Variants in MYT1L observed in about 807,000 individuals in gnomAD.
MYT1L encodes the protein myelin transcription factor 1 like.
MYT1L carries 12 observed loss-of-function variants against 126.7 expected under a neutral mutation model. The observed-to-expected ratio is 0.09, with a 90% CI of 0.06 to 0.15. The LOEUF (loss-of-function observed/expected upper bound fraction) is 0.15, where lower values mean the gene tolerates loss of function less well. Among genes scored for constraint, MYT1L ranks in the 10% least tolerant of loss-of-function variants. The pLI is 1.00. For synonymous variants in MYT1L, 541 were observed against 604.2 expected, an observed-to-expected ratio of 0.90 and a Z score of 1.53; for missense variants, 979 against 1,585.2, an observed-to-expected ratio of 0.62 and a Z score of 6.49.
At chr2:1,954,163 T>C (rs899448946) in intron 8 of MYT1L, among the ~76,000 whole-genome samples, 11 of 152,148 alleles carry the variant, frequency 7.2e-5, no homozygotes, top group Admixed American at 6.5e-4. Context: ...CCTCAGGTTG[T>C]ACAGAGCTAG....
rs774981422 is a variant in MYT1L at position 1,912,721 on chromosome 2, C to T, written c.1619-611G>A. 2.7e-5 allele frequency among the ~76,000 whole-genome samples: 4 copies of T among 150,610 alleles called. No homozygotes were observed. Among genetic ancestry groups the T allele is most frequent in the Admixed American group, 6.6e-5 (1 of 15,156 alleles). ...AAATAGGATGAGCTAGAAGAGTAAG[C>T]GTCTGCGTTTTTACCCTGTGAAATT... On this transcript the variant is annotated intron_variant, in intron 11 of 24. Coordinates refer to ENST00000647738, the MANE Select transcript of MYT1L (RefSeq NM_001303052.2). The surrounding 1 kb of genome is among the most constrained non-coding windows in gnomAD (Gnocchi z 4.3).
chr2:1,862,831 T>C (rs2044875535), intron 18 of MYT1L, among the ~76,000 whole-genome samples: 1 of 152,036 alleles, frequency 6.6e-6, no homozygotes, highest in East Asian at 1.9e-4. Flanking sequence ...AGACGAGAAT[T>C]GGCTGAGTGG....
chr2:2,283,849 C>T (rs778783053), intron 2 of MYT1L, among the ~76,000 whole-genome samples: 9 of 152,122 alleles, frequency 5.9e-5, no homozygotes, highest in African/African-American at 1.2e-4. Flanking sequence ...CTCTGAAGTC[C>T]GTGCACCTCT....
intron 2 of MYT1L, among the ~76,000 whole-genome samples, chr2:2,274,172 A>G (rs1429992221): frequency 2.0e-5 from 3 of 152,186 alleles, no homozygotes; most frequent in Admixed American, 1.3e-4. Context: ...GAAATGATAA[A>G]TATTTGAGGT....
intron 2 of MYT1L, among the ~76,000 whole-genome samples, chr2:2,275,345 G>A (rs1019962476): frequency 8.6e-5 from 13 of 151,514 alleles, no homozygotes; most frequent in Admixed American, 2.0e-4. Context: ...AGTATTGGTC[G>A]AACCTAAAAT....
chr2:2,115,505 A>C (rs920990551), intron 3 of MYT1L, among the ~76,000 whole-genome samples: 4 of 152,252 alleles, frequency 2.6e-5, no homozygotes, highest in African/African-American at 9.6e-5. Flanking sequence ...ATAGAAAAAG[A>C]AACATTAGAA....
chr2:2,272,570 A>G (rs2095284533), intron 2 of MYT1L, among the ~76,000 whole-genome samples: 1 of 152,228 alleles, frequency 6.6e-6, no homozygotes, highest in Non-Finnish European at 1.5e-5. Flanking sequence ...GAGTTCCGAC[A>G]GGAACAAAAT....
At chr2:1,847,617 G>A (rs1023135926) in intron 19 of MYT1L, among the ~76,000 whole-genome samples, 4 of 152,054 alleles carry the variant, frequency 2.6e-5, no homozygotes, top group African/African-American at 4.8e-5. Context: ...CTGGGGGGTC[G>A]GAAAAAAGAG....
intron 2 of MYT1L, among the ~76,000 whole-genome samples, chr2:2,178,109 C>T (rs17247331): frequency 0.12 from 18,981 of 152,014 alleles, 1,288 homozygotes; most frequent in African/African-American, 0.19. Context: ...TAATAATTTA[C>T]TTGATTGCCA....
intron 8 of MYT1L, among the ~76,000 whole-genome samples, chr2:1,965,414 CTG>C (rs1485564054): frequency 6.6e-6 from 1 of 150,430 alleles, no homozygotes; most frequent in Non-Finnish European, 1.5e-5. Context: ...GACCCAGACT[CTG>C]TGACTTGCAG....
chr2:1,999,380 T>C (rs1189793500), intron 4 of MYT1L, among the ~76,000 whole-genome samples: 1 of 152,072 alleles, frequency 6.6e-6, no homozygotes, highest in Admixed American at 6.6e-5. Flanking sequence ...GGTAATGCAG[T>C]ATAAAACAGA....
At chr2:1,873,335 G>C (rs2046481771) in intron 18 of MYT1L, among the ~76,000 whole-genome samples, 1 of 152,030 alleles carries the variant, frequency 6.6e-6, no homozygotes, top group South Asian at 2.1e-4. Context: ...TGATATCCCT[G>C]GGAATTAAAA....
At chr2:1,903,962 T>C (rs775107047) in intron 13 of MYT1L, among the ~76,000 whole-genome samples, 96 of 151,732 alleles carry the variant, frequency 6.3e-4, no homozygotes, top group Non-Finnish European at 9.3e-4. Context: ...CGTGCGCGCG[T>C]GTGTGTGTCC....
At chr2:2,301,428 C>A (rs890843118) in intron 1 of MYT1L, among the ~76,000 whole-genome samples, 2 of 152,106 alleles carry the variant, frequency 1.3e-5, no homozygotes, top group African/African-American at 2.4e-5. Flanking sequence ...CCTTTTTCAG[C>A]CTTATTATGT....
intron 2 of MYT1L, among the ~76,000 whole-genome samples, chr2:2,254,899 A>T (rs2094763802): frequency 1.3e-5 from 2 of 152,138 alleles, no homozygotes; most frequent in African/African-American, 2.4e-5. Flanking sequence ...AACTTTTACT[A>T]CAAGGAAATG....
intron 2 of MYT1L, among the ~76,000 whole-genome samples, chr2:2,281,056 A>G (rs1348296402): frequency 6.6e-6 from 1 of 152,192 alleles, no homozygotes; most frequent in Admixed American, 6.5e-5. Flanking sequence ...TAGTTCCCAT[A>G]ATCCCCACAT....
At chr2:2,126,501 T>C (rs965322642) in intron 3 of MYT1L, among the ~76,000 whole-genome samples, 5 of 152,172 alleles carry the variant, frequency 3.3e-5, no homozygotes, top group African/African-American at 1.2e-4. Flanking sequence ...CTTATCAAGA[T>C]AACCTCAGCC....
intron 2 of MYT1L, among the ~76,000 whole-genome samples, chr2:2,196,700 A>G (rs2092813805): frequency 6.6e-6 from 1 of 152,032 alleles, no homozygotes; most frequent in South Asian, 2.1e-4. Context: ...TAAATTTTAG[A>G]AAGTCAATAA....
chr2:2,276,097 T>TA (rs1170122463), intron 2 of MYT1L, among the ~76,000 whole-genome samples: 29 of 152,330 alleles, frequency 1.9e-4, no homozygotes, highest in African/African-American at 7.0e-4. Flanking sequence ...GACCACCTGA[T>TA]ACAGTGGTGT....
Sources: gnomAD v4.1 joint callset for allele counts (sites outside exome capture counted in the v4.1 genomes callset) on GRCh38, gnomAD v4.1.1 for gene constraint, Gnocchi (gnomAD v3.1) non-coding constraint, MANE v1.5 for transcripts, NCBI Gene and HGNC (gene_info 2026-07-23, HGNC 2026-07-21) for gene names.